The following MAGI2 variants were observed in gnomAD, a reference collection of about 807,000 sequenced individuals.
MAGI2 encodes membrane associated guanylate kinase, WW and PDZ domain containing 2, also known as membrane-associated guanylate kinase, WW and PDZ domain-containing protein 2.
A neutral mutation model predicts 133.3 loss-of-function variants in MAGI2; 35 were observed. The ratio of observed to expected loss-of-function variants is 0.26; its 90% CI spans 0.20 to 0.35. The LOEUF (loss-of-function observed/expected upper bound fraction) is 0.35. Among genes scored for constraint, MAGI2 ranks in the 10% least tolerant of loss-of-function variants. The pLI, the probability that MAGI2 is intolerant of heterozygous loss-of-function variation, is 1.00. For synonymous variants in MAGI2, 729 were observed against 710.6 expected (o/e 1.03, Z -0.41); for missense variants, 1,636 against 1,863.4 (o/e 0.88, Z 2.25).
chr7:78,692,831 C>A (rs983624490), intron 2 of MAGI2, among the ~76,000 whole-genome samples: 42 of 152,176 alleles, frequency 2.8e-4, no homozygotes, highest in Non-Finnish European at 1.2e-4. Context: ...CTAACCAGTG[C>A]ATACTGGAAT....
chr7:78,043,820 GTTTC>G (rs1811112517), intron 21 of MAGI2, among the ~76,000 whole-genome samples: 1 of 152,178 alleles, frequency 6.6e-6, no homozygotes, highest in Non-Finnish European at 1.5e-5. Context: ...AGAGGTGTAA[GTTTC>G]AGCCTCAAAA....
At chr7:78,676,326 A>G (rs1815018662) in intron 2 of MAGI2, among the ~76,000 whole-genome samples, 1 of 152,164 alleles carries the variant, frequency 6.6e-6, no homozygotes, top group Non-Finnish European at 1.5e-5. Context: ...GCTCAAGACA[A>G]GAACAAGTAA....
chr7:78,166,428 T>A (rs1373856979), intron 15 of MAGI2, among the ~76,000 whole-genome samples: 1 of 152,214 alleles, frequency 6.6e-6, no homozygotes, highest in Non-Finnish European at 1.5e-5. Context: ...CCTCCTGGCA[T>A]CTAGCCCAAG....
At chr7:78,576,538 A>G (rs1159720413) in intron 3 of MAGI2, among the ~76,000 whole-genome samples, 2 of 147,422 alleles carry the variant, frequency 1.4e-5, no homozygotes, top group Non-Finnish European at 3.0e-5. Flanking sequence ...CAAGCCATAA[A>G]ACTTAGAAAG....
At chr7:79,221,600 T>A (rs1169529377) in intron 1 of MAGI2, among the ~76,000 whole-genome samples, 2 of 152,052 alleles carry the variant, frequency 1.3e-5, no homozygotes, top group African/African-American at 4.8e-5. Context: ...AAGTCAATTA[T>A]TAGGCAGGTA....
chr7:78,973,780 T>C (rs1472864328), intron 2 of MAGI2, among the ~76,000 whole-genome samples: 1 of 151,798 alleles, frequency 6.6e-6, no homozygotes, highest in East Asian at 1.9e-4. Flanking sequence ...TGCTGTATGC[T>C]CGTAGCTTGA....
At chr7:78,905,020 A>G (rs1045675735) in intron 2 of MAGI2, among the ~76,000 whole-genome samples, 5 of 151,972 alleles carry the variant, frequency 3.3e-5, no homozygotes, top group African/African-American at 1.2e-4. Context: ...ATAGGTAGGT[A>G]TTATCTTTCT....
intron 5 of MAGI2, 48 bp downstream of exon 5, chr7:78,501,529 C>A: frequency 3.0e-6 from 4 of 1,352,746 alleles, no homozygotes; most frequent in Non-Finnish European, 4.2e-6. Flanking sequence ...TCATTTATAT[C>A]CCGCTATGAC....
At chr7:78,130,371 C>T (rs561673107) in intron 18 of MAGI2, among the ~76,000 whole-genome samples, 1 of 152,274 alleles carries the variant, frequency 6.6e-6, no homozygotes, top group African/African-American at 2.4e-5. Context: ...TTATCCCGCT[C>T]TAACATGGGA....
chr7:78,484,872 G>C (rs1318547649), intron 6 of MAGI2: 1 of 151,980 alleles, frequency 6.6e-6, no homozygotes, highest in African/African-American at 2.4e-5. Flanking sequence ...CAAAGATTAA[G>C]TACCTTGCCC....
chr7:78,735,041 T>C (rs919542315), intron 2 of MAGI2, among the ~76,000 whole-genome samples: 7 of 152,204 alleles, frequency 4.6e-5, no homozygotes, highest in Admixed American at 3.3e-4. Flanking sequence ...ATTTTTTAAA[T>C]TGGCTTTTTG....
chr7:78,437,212 C>A (rs909296823), intron 6 of MAGI2, among the ~76,000 whole-genome samples: 2 of 152,116 alleles, frequency 1.3e-5, no homozygotes, highest in African/African-American at 4.8e-5. Context: ...ATCATGGCTG[C>A]CATTCACAGC....
At chr7:78,823,460 G>A (rs1168359694) in intron 2 of MAGI2, among the ~76,000 whole-genome samples, 1 of 151,802 alleles carries the variant, frequency 6.6e-6, no homozygotes, top group African/African-American at 2.4e-5. Context: ...GCGGGCGCCT[G>A]TAGTCCCAGC....
intron 1 of MAGI2, among the ~76,000 whole-genome samples, chr7:79,234,626 C>G (rs1418607685): frequency 6.6e-6 from 1 of 151,988 alleles, no homozygotes; most frequent in Admixed American, 6.6e-5. Context: ...AGGTCTCGAG[C>G]CTTGGTTTTC....
At chr7:78,198,395 G>C (rs1477882704) in intron 11 of MAGI2, among the ~76,000 whole-genome samples, 1 of 144,468 alleles carries the variant, frequency 6.9e-6, no homozygotes, top group Admixed American at 7.0e-5. Flanking sequence ...GCATCAAATA[G>C]TAAAACAGAA....
At chr7:78,204,405 TAGGGAAAC>T (rs1160091495) in intron 10 of MAGI2, among the ~76,000 whole-genome samples, 5 of 152,152 alleles carry the variant, frequency 3.3e-5, no homozygotes, top group Non-Finnish European at 1.5e-5. Flanking sequence ...CCCATTTTCA[TAGGGAAAC>T]AGGAACAGAG....
chr7:78,559,136 C>CAAAAAAAAAAAAAAAAAAAAAAAAAAAAA (rs71085541), intron 3 of MAGI2, among the ~76,000 whole-genome samples: 1 of 54,726 alleles, frequency 1.8e-5, no homozygotes, highest in African/African-American at 8.1e-5. Flanking sequence ...TCTGAATTTC[C>CAAAAAAAAAAAAAAAAAAAAAAAAAAAAA]AAAAAAAAAA....
intron 2 of MAGI2, among the ~76,000 whole-genome samples, chr7:78,917,509 T>A (rs1425662375): frequency 6.6e-6 from 1 of 152,090 alleles, no homozygotes; most frequent in African/African-American, 2.4e-5. Flanking sequence ...CTAGGATGCA[T>A]CTGTTCTTCC....
chr7:78,138,973 G>T (rs952870104), intron 16 of MAGI2, among the ~76,000 whole-genome samples: 1 of 152,164 alleles, frequency 6.6e-6, no homozygotes, highest in Non-Finnish European at 1.5e-5. Context: ...CTTGCTGGTT[G>T]AGACTTCAAG....
Sources: gnomAD v4.1 joint callset for allele counts (sites outside exome capture counted in the v4.1 genomes callset) on GRCh38, gnomAD v4.1.1 for gene constraint, MANE v1.5 for transcripts, NCBI Gene and HGNC (gene_info 2026-07-23, HGNC 2026-07-21) for gene names.